PTPRZ1: variants seen among roughly 807,000 people sequenced by gnomAD.
PTPRZ1 encodes receptor-type tyrosine-protein phosphatase zeta.
A neutral mutation model predicts 214.1 loss-of-function variants in PTPRZ1; 82 were observed. That is an observed-to-expected ratio of 0.38 (90% confidence interval 0.32 to 0.46). The LOEUF is 0.46. Among genes scored for constraint, PTPRZ1 ranks in the 20% least tolerant of loss-of-function variants. The pLI is 1.00. For synonymous variants in PTPRZ1, 945 were observed against 987.9 expected (o/e 0.96, Z 0.81); for missense variants, 2,603 against 2,748.7 (o/e 0.95, Z 1.19).
At chr7:121,873,875 G>A (rs1793966208) in intron 1 of PTPRZ1, among the ~76,000 whole-genome samples, 1 of 152,204 alleles carries the variant, frequency 6.6e-6, no homozygotes, top group Non-Finnish European at 1.5e-5. Flanking sequence ...CTCCTCTTTT[G>A]CAAAGTGTAG....
At chr7:121,905,980 CA>C (rs1584623780) in intron 1 of PTPRZ1, among the ~76,000 whole-genome samples, 1 of 151,920 alleles carries the variant, frequency 6.6e-6, no homozygotes, top group African/African-American at 2.4e-5. Flanking sequence ...AAACAAAGGG[CA>C]AAAAAACCTT....
At chr7:121,982,068 T>G (rs955110394) in intron 6 of PTPRZ1, among the ~76,000 whole-genome samples, 2 of 152,218 alleles carry the variant, frequency 1.3e-5, no homozygotes, top group African/African-American at 4.8e-5. Context: ...AACTGATTTG[T>G]GCTTATGATG....
At chr7:121,985,736 C>T (rs1329586595) in intron 8 of PTPRZ1, among the ~76,000 whole-genome samples, 1 of 152,194 alleles carries the variant, frequency 6.6e-6, no homozygotes, top group Non-Finnish European at 1.5e-5. Context: ...CAGGACTGCA[C>T]ACTCAAGGAG....
intron 1 of PTPRZ1, among the ~76,000 whole-genome samples, chr7:121,922,263 A>G (rs1400301027): frequency 2.0e-5 from 3 of 152,354 alleles, no homozygotes; most frequent in South Asian, 4.1e-4. Context: ...TCTTTAATCA[A>G]AAGTTGATTC....
chr7:121,973,850 C>T (rs959678273), intron 4 of PTPRZ1, among the ~76,000 whole-genome samples: 16 of 141,502 alleles, frequency 1.1e-4, no homozygotes, highest in African/African-American at 4.2e-4. Context: ...ATGGGAATCA[C>T]TTGAACTCAG....
intron 1 of PTPRZ1, among the ~76,000 whole-genome samples, chr7:121,875,729 T>C (rs759365828): frequency 2.6e-5 from 4 of 152,220 alleles, no homozygotes; most frequent in Admixed American, 6.5e-5. Context: ...CCTGGAGGCA[T>C]TGGCAACATC....
intron 23 of PTPRZ1, among the ~76,000 whole-genome samples, chr7:122,049,773 T>C (rs916248825): frequency 4.6e-5 from 7 of 152,124 alleles, no homozygotes; most frequent in Non-Finnish European, 7.4e-5. Context: ...TCATGGAAAA[T>C]GTAGAACAGA....
At chr7:121,894,339 T>C (rs962287037) in intron 1 of PTPRZ1, among the ~76,000 whole-genome samples, 6 of 152,194 alleles carry the variant, frequency 3.9e-5, no homozygotes, top group Non-Finnish European at 5.9e-5. Context: ...AACATTTACA[T>C]TGGTATTTAT....
intron 11 of PTPRZ1, among the ~76,000 whole-genome samples, chr7:122,005,000 A>T (rs1455366059): frequency 6.6e-6 from 1 of 152,028 alleles, no homozygotes; most frequent in Non-Finnish European, 1.5e-5. Flanking sequence ...AAAAACTAAA[A>T]TTATATTTAA....
chr7:122,026,048 T>G (rs1799199200), intron 13 of PTPRZ1, among the ~76,000 whole-genome samples: 1 of 152,134 alleles, frequency 6.6e-6, no homozygotes, highest in East Asian at 1.9e-4. Context: ...AAAAGGGGGA[T>G]AGATATGAAC....
intron 8 of PTPRZ1, among the ~76,000 whole-genome samples, chr7:121,985,447 T>G (rs1323304901): frequency 6.6e-6 from 1 of 152,218 alleles, no homozygotes; most frequent in Non-Finnish European, 1.5e-5. Flanking sequence ...TGTTATTGCA[T>G]GGCAGGCTCT....
chr7:121,877,707 A>G (rs1794103756), intron 1 of PTPRZ1, among the ~76,000 whole-genome samples: 1 of 152,216 alleles, frequency 6.6e-6, no homozygotes, highest in African/African-American at 2.4e-5. Flanking sequence ...ATCTGATTCA[A>G]TCCCACAATG....
intron 13 of PTPRZ1, among the ~76,000 whole-genome samples, chr7:122,026,489 C>T (rs980402287): frequency 2.0e-5 from 3 of 152,184 alleles, no homozygotes; most frequent in Non-Finnish European, 4.4e-5. Context: ...GCCAAACTTT[C>T]TGTATAGTTT....
At chr7:122,031,707 G>A (rs1169745287) in intron 15 of PTPRZ1, 148 bp downstream of exon 15, 1 of 532,700 alleles carries the variant, frequency 1.9e-6, no homozygotes, top group African/African-American at 1.9e-5. Context: ...ATGTGTTTAG[G>A]AGATGTGTTA....
rs575497534 is a variant in PTPRZ1, at chr7:121,909,252, G to C, written c.59-18904G>C. Reference sequence around the variant, plus strand: ...TGCTCCAGTGCTCACCAAAATAAGGGAATAAACCAATAAAGGGGATTCATG... The same window carrying C: ...TGCTCCAGTGCTCACCAAAATAAGGCAATAAACCAATAAAGGGGATTCATG... On this transcript the variant is annotated intron_variant, in intron 1 of 29. Transcript: ENST00000393386. 2.0e-5 allele frequency among the ~76,000 whole-genome samples: 3 copies of C among 152,152 alleles called. No homozygotes were observed. In the South Asian group the frequency reaches 6.2e-4, roughly 32 times the overall value.
chr7:121,940,287 G>A (rs1253971097), intron 2 of PTPRZ1, among the ~76,000 whole-genome samples: 1 of 152,188 alleles, frequency 6.6e-6, no homozygotes, highest in Non-Finnish European at 1.5e-5. Context: ...TAGTAAAAGA[G>A]TCCAAAAGAG....
rs146093182 is a variant in PTPRZ1, at chr7:121,888,202, G to A, written c.58+14645G>A. 7.4e-4 allele frequency among the ~76,000 whole-genome samples: 112 copies of A among 151,818 alleles called. 2 individuals carry two copies. Among genetic ancestry groups the A allele is most frequent in the African/African-American group, 2.3e-3 (96 of 41,416 alleles). ...AGTTATGCCTTGCCCTGCTTGGTGG[G>A]TTTTGAGTGACATTCTGAGACCATA... On this transcript the variant is annotated intron_variant, in intron 1 of 29. Coordinates refer to ENST00000393386, the MANE Select transcript of PTPRZ1 (RefSeq NM_002851.3).
rs1174975323 is a variant in PTPRZ1, at chr7:121,873,293, G to GTC, written c.-199_-198dup. ...TATTCCTCTCTCGCTGTCTCTGACT[G>GTC]TCTCTCTCTGTCTCTGTCTCTGTCT... On this transcript the variant is annotated 5_prime_UTR_variant, in exon 1 of 30. Transcript: ENST00000393386. 1.9e-6 allele frequency: 1 copy of GTC among 519,862 alleles called. No individual in the cohort carries two copies. The highest frequency in any genetic ancestry group is 2.0e-5 in the African/African-American group (1 of 49,380). 32.2% of individuals were successfully genotyped at this position (519,862 alleles called of 1,614,324 possible). A position where few individuals can be genotyped will look rare whatever the true frequency, so the allele number is the denominator to read the frequency against.
In PTPRZ1 at chr7:122,061,109, C is replaced by A. The variant is rs1175530862; in HGVS notation, c.6837C>A (p.Ile2279=). 25 of 1,610,470 alleles carry A rather than the reference C, an allele frequency of 1.6e-5. No individual in the cohort carries two copies. The highest frequency in any genetic ancestry group is 2.0e-5 in the Non-Finnish European group (24 of 1,177,694). ...AGTATCAGTTTCTCTACAAAGTGAT[C>A]CTCAGCCTTGTGAGCACAAGGCAGG... ...IEQYQFLYKV[I]LSLVSTRQEE... Residue 2279 remains isoleucine (I), a synonymous_variant, in exon 30 of 30, where the codon ATC becomes ATA. Transcript: ENST00000393386.
Sources: gnomAD v4.1 joint callset for allele counts (sites outside exome capture counted in the v4.1 genomes callset) on GRCh38, gnomAD v4.1.1 for gene constraint, MANE v1.5 for transcripts, NCBI Gene and HGNC (gene_info 2026-07-23, HGNC 2026-07-21) for gene names.